The following MOK variants were observed in gnomAD, a reference collection of about 807,000 sequenced individuals.
The protein encoded by MOK is MAPK/MAK/MRK overlapping kinase.
In MOK, 59 loss-of-function variants were observed where a neutral mutation model predicts 54.2. The observed-to-expected ratio is 1.09, with a 90% confidence interval of 0.88 to 1.35. MOK has a LOEUF of 1.35. Ranked by LOEUF, MOK falls within the 40% of genes most tolerant of loss-of-function variation. The pLI, the probability that MOK is intolerant of heterozygous loss-of-function variation, is 0.00. For synonymous variants in MOK, 210 were observed against 202.7 expected (o/e 1.04, Z -0.31); for missense variants, 517 against 526.2 (o/e 0.98, Z 0.17).
At chr14:102,299,290 G>A (rs1391253296) in intron 1 of MOK, among the ~76,000 whole-genome samples, 2 of 152,208 alleles carry the variant, frequency 1.3e-5, no homozygotes, top group Non-Finnish European at 2.9e-5. Flanking sequence ...GAGGCGGGCA[G>A]ATCACCTGAG....
chr14:102,253,392 G>A (rs1470023166), intron 4 of MOK, among the ~76,000 whole-genome samples: 1 of 152,216 alleles, frequency 6.6e-6, no homozygotes, highest in African/African-American at 2.4e-5. Context: ...GCCGGCCTCG[G>A]AGGCCTTCCA....
chr14:102,253,211 T>C (rs1290903481), intron 4 of MOK, among the ~76,000 whole-genome samples: 1 of 152,240 alleles, frequency 6.6e-6, no homozygotes, highest in East Asian at 1.9e-4. Flanking sequence ...TTGTACCTAC[T>C]AATGGGACCC....
chr14:102,283,333 T>G (rs1032032914), intron 2 of MOK, 145 bp downstream of exon 2: 12 of 559,690 alleles, frequency 2.1e-5, no homozygotes, highest in Non-Finnish European at 3.8e-5. Flanking sequence ...AAACATAACA[T>G]TAGCATATAA....
chr14:102,260,090 C>T (rs1410600035), intron 4 of MOK, among the ~76,000 whole-genome samples: 3 of 151,262 alleles, frequency 2.0e-5, no homozygotes, highest in Non-Finnish European at 4.4e-5. Context: ...GCAGGAGAAT[C>T]GCTTGAACCC....
intron 2 of MOK, among the ~76,000 whole-genome samples, chr14:102,276,088 T>G (rs2068837101): frequency 1.3e-5 from 2 of 152,110 alleles, no homozygotes; most frequent in Admixed American, 1.3e-4. Context: ...ATGAGATAAT[T>G]CCACACAATC....
At chr14:102,221,515 G>A (rs138217547), downstream of MOK, among the ~76,000 whole-genome samples, 161 of 152,272 alleles carry the variant, frequency 1.1e-3, no homozygotes, top group Admixed American at 5.8e-3. The surrounding 1 kb of genome is among the most constrained non-coding windows in gnomAD (Gnocchi z 4.8). Flanking sequence ...GGGCGTTTGC[G>A]GGGTCCTCCA....
At chr14:102,302,870 C>G (rs2072392102) in intron 1 of MOK, among the ~76,000 whole-genome samples, 2 of 151,088 alleles carry the variant, frequency 1.3e-5, no homozygotes, top group Middle Eastern at 3.4e-3. Flanking sequence ...TATGAAGAGT[C>G]TAAGAGGAAG....
At chr14:102,269,649 T>A (rs1227574425) in intron 2 of MOK, among the ~76,000 whole-genome samples, 9 of 151,842 alleles carry the variant, frequency 5.9e-5, no homozygotes, top group Non-Finnish European at 2.9e-5. Flanking sequence ...ATTCTTATAT[T>A]TTCAGTAGAG....
At chr14:102,216,415 T>G in the MOK span, among the ~76,000 whole-genome samples, 4 of 152,128 alleles carry the variant, frequency 2.6e-5, no homozygotes, top group Non-Finnish European at 4.4e-5. Context: ...TCTAGGCCTC[T>G]TGAGTAACTG....
intron 1 of MOK, among the ~76,000 whole-genome samples, chr14:102,290,143 G>GGA (rs1555433129): frequency 2.8e-5 from 4 of 142,374 alleles, no homozygotes; most frequent in Middle Eastern, 3.6e-3. Context: ...TACACTTAGA[G>GGA]AAAAAAAAAA....
At chr14:102,234,180 G>A (rs531861698) in intron 7 of MOK, 2 of 187,844 alleles carry the variant, frequency 1.1e-5, no homozygotes, top group Admixed American at 5.5e-5. Flanking sequence ...TTCTGGTGCC[G>A]AAACCCGGGA....
rs921634984 is a variant in MOK at position 102,236,275 on chromosome 14, G to A, written c.591-2486C>T. On this transcript the variant is annotated intron_variant, in intron 7 of 11. Transcript: ENST00000361847. This position sits in a 1 kb window ranked among gnomAD's most constrained non-coding sequence, Gnocchi z 4.5. ...CTGCCATCACTGCATTGGAGCCCAG[G>A]GTAACTCTGCGAGTAGCAGGTAAGC... Among the ~76,000 whole-genome samples the A allele has an allele frequency of 1.3e-5, 2 of 152,198 alleles. No homozygotes were observed. Among genetic ancestry groups the A allele is most frequent in the South Asian group, 2.1e-4 (1 of 4,830 alleles).
intron 7 of MOK, chr14:102,233,999 G>A (rs1335582170): frequency 1.7e-5 from 9 of 524,676 alleles, no homozygotes; most frequent in African/African-American, 3.8e-5. Flanking sequence ...AAACAACCCC[G>A]GGATGTGACC....
At chr14:102,217,275 C>T in the MOK span, among the ~76,000 whole-genome samples, 8 of 152,200 alleles carry the variant, frequency 5.3e-5, no homozygotes, top group Non-Finnish European at 8.8e-5. Flanking sequence ...CATCAGTGAA[C>T]GGGATCACGA....
chr14:102,222,980 A>G, downstream of MOK: 9 of 1,495,398 alleles, frequency 6.0e-6, no homozygotes, highest in Non-Finnish European at 8.3e-6. The surrounding 1 kb of genome is among the most constrained non-coding windows in gnomAD (Gnocchi z 4.4). Flanking sequence ...CAGCCGGCGG[A>G]CCTCAGGCGG....
chr14:102,215,393 A>T, the MOK span, among the ~76,000 whole-genome samples: 1 of 152,096 alleles, frequency 6.6e-6, no homozygotes, highest in South Asian at 2.1e-4. Context: ...GACATCCGAC[A>T]TTCTGTCCAG....
intron 7 of MOK, among the ~76,000 whole-genome samples, chr14:102,234,651 C>A (rs4906184): frequency 6.6e-6 from 1 of 151,996 alleles, no homozygotes; most frequent in Non-Finnish European, 1.5e-5. Flanking sequence ...AAAACTACCC[C>A]CCTTGGGTGC....
chr14:102,269,045 G>C (rs7141769), intron 2 of MOK, among the ~76,000 whole-genome samples: 2,231 of 152,194 alleles, frequency 0.015, 52 homozygotes, highest in African/African-American at 0.05. Flanking sequence ...AAGTAAAGGG[G>C]AGGAAGAAAT....
downstream of MOK, chr14:102,226,515 C>T (rs936897837): frequency 1.9e-5 from 13 of 693,554 alleles, no homozygotes; most frequent in Admixed American, 6.1e-5. This position sits in a 1 kb window ranked among gnomAD's most constrained non-coding sequence, Gnocchi z 4.8. Flanking sequence ...GAGGCCCCGC[C>T]GGGGCCCCGG....
Sources: allele counts gnomAD v4.1 joint callset (sites outside exome capture counted in the v4.1 genomes callset), GRCh38; gene constraint gnomAD v4.1.1; non-coding constraint Gnocchi (gnomAD v3.1); transcripts MANE v1.5; gene names NCBI Gene and HGNC (gene_info 2026-07-23, HGNC 2026-07-21).